The following PTPRD variants were observed in gnomAD, a reference collection of about 807,000 sequenced individuals.
PTPRD encodes protein tyrosine phosphatase receptor type D.
Under a neutral mutation model 214.5 loss-of-function variants are expected in PTPRD, and 34 were observed. That is an observed-to-expected ratio of 0.16 (90% confidence interval 0.12 to 0.21). The LOEUF (loss-of-function observed/expected upper bound fraction) is 0.21. Among genes scored for constraint, PTPRD ranks in the 10% least tolerant of loss-of-function variants. PTPRD has a pLI of 1.00. For missense variants in PTPRD, 2,545 were observed against 2,398.7 expected (o/e 1.06, Z -1.27); for synonymous variants, 1,128 against 845.7 (o/e 1.33, Z -5.79).
At chr9:9,251,809 G>A (rs761990844) in intron 9 of PTPRD, among the ~76,000 whole-genome samples, 1 of 152,038 alleles carries the variant, frequency 6.6e-6, no homozygotes, top group Non-Finnish European at 1.5e-5. Context: ...AACTGCTCTA[G>A]AATTATTGTT....
intron 11 of PTPRD, among the ~76,000 whole-genome samples, chr9:8,788,364 C>T (rs574476912): frequency 1.2e-3 from 181 of 150,942 alleles, no homozygotes; most frequent in East Asian, 7.5e-3. Flanking sequence ...CAACCTCCGC[C>T]TCTCAGGTTC....
chr9:10,550,135 G>A (rs763344793), intron 2 of PTPRD, among the ~76,000 whole-genome samples: 1 of 152,154 alleles, frequency 6.6e-6, no homozygotes, highest in Non-Finnish European at 1.5e-5. Context: ...ATGCAAAGCT[G>A]CTCCTGACAA....
chr9:8,738,419 T>C (rs183787684), intron 11 of PTPRD, among the ~76,000 whole-genome samples: 2 of 152,278 alleles, frequency 1.3e-5, no homozygotes, highest in Admixed American at 1.3e-4. Flanking sequence ...TAAAATTTTC[T>C]TTAAAAAAAG....
At chr9:8,575,306 G>A (rs1355180010) in intron 14 of PTPRD, among the ~76,000 whole-genome samples, 1 of 152,062 alleles carries the variant, frequency 6.6e-6, no homozygotes, top group Non-Finnish European at 1.5e-5. Flanking sequence ...TGAGTATCCA[G>A]TACCAACACA....
At chr9:10,514,342 G>T (rs2049279641) in intron 2 of PTPRD, among the ~76,000 whole-genome samples, 1 of 151,076 alleles carries the variant, frequency 6.6e-6, no homozygotes, top group Non-Finnish European at 1.5e-5. Context: ...ATTACATTTA[G>T]AACTTTGATT....
chr9:10,324,020 C>G (rs2096600931), intron 3 of PTPRD, among the ~76,000 whole-genome samples: 1 of 151,992 alleles, frequency 6.6e-6, no homozygotes, highest in South Asian at 2.1e-4. Flanking sequence ...ATTAAGTTAG[C>G]AGAACCTGGA....
At chr9:8,757,304 A>G (rs1051043970) in intron 11 of PTPRD, among the ~76,000 whole-genome samples, 3 of 152,310 alleles carry the variant, frequency 2.0e-5, no homozygotes, top group African/African-American at 4.8e-5. Context: ...GAAAAGCACG[A>G]TAATATGTGT....
chr9:8,968,283 C>T (rs1390894590), intron 11 of PTPRD, among the ~76,000 whole-genome samples: 1 of 152,068 alleles, frequency 6.6e-6, no homozygotes, highest in Admixed American at 6.6e-5. Context: ...AATGGGATGG[C>T]TGGGTCAAAT....
At position 9,194,050 on chromosome 9, in the gene PTPRD, T is replaced by C. The variant is rs188579051; in HGVS notation, c.-202-10687A>G. On this transcript the variant is annotated intron_variant, in intron 9 of 45. Coordinates refer to ENST00000381196, the MANE Select transcript of PTPRD (RefSeq NM_002839.4). ...ACGAGCTTTTCTGTATTAAAAATAA[T>C]CTTTATACTTTAAAAATATTTTTTG... 1.5e-3 allele frequency among the ~76,000 whole-genome samples: 232 copies of C among 152,262 alleles called. 1 individual carries two copies. In the Middle Eastern group the frequency reaches 0.017, roughly 11 times the overall value.
intron 5 of PTPRD, among the ~76,000 whole-genome samples, chr9:9,872,211 G>T (rs1341238144): frequency 1.3e-5 from 2 of 152,178 alleles, no homozygotes; most frequent in African/African-American, 4.8e-5. Context: ...GATTAAAAGT[G>T]TAGGCTCTGA....
intron 11 of PTPRD, among the ~76,000 whole-genome samples, chr9:8,907,044 C>G (rs1345853949): frequency 6.6e-6 from 1 of 151,980 alleles, no homozygotes; most frequent in Admixed American, 6.6e-5. Flanking sequence ...GTTTCTCAAC[C>G]CACATATGTA....
At chr9:8,764,106 A>G (rs2094564195) in intron 11 of PTPRD, among the ~76,000 whole-genome samples, 1 of 152,184 alleles carries the variant, frequency 6.6e-6, no homozygotes, top group Non-Finnish European at 1.5e-5. Flanking sequence ...TAAATTAAGG[A>G]CACTCTCACT....
At chr9:8,348,144 T>G (rs1169444971) in intron 39 of PTPRD, among the ~76,000 whole-genome samples, 1 of 152,210 alleles carries the variant, frequency 6.6e-6, no homozygotes, top group Non-Finnish European at 1.5e-5. Flanking sequence ...ATGTTCCACA[T>G]AGTTATTTTC....
intron 12 of PTPRD, among the ~76,000 whole-genome samples, chr9:8,640,531 T>C (rs1404876938): frequency 6.7e-6 from 1 of 148,866 alleles, no homozygotes; most frequent in Admixed American, 6.7e-5. Flanking sequence ...TACCACTGTA[T>C]TGATGTGATA....
intron 9 of PTPRD, among the ~76,000 whole-genome samples, chr9:9,331,629 T>C (rs1330125614): frequency 6.6e-6 from 1 of 152,076 alleles, no homozygotes; most frequent in African/African-American, 2.4e-5. Context: ...AATACCGTCT[T>C]GCTAAGATTC....
chr9:9,784,179 T>C (rs2098895746), intron 5 of PTPRD, among the ~76,000 whole-genome samples: 1 of 152,128 alleles, frequency 6.6e-6, no homozygotes, highest in Non-Finnish European at 1.5e-5. Context: ...CTTTGACATA[T>C]AATGCATAGT....
chr9:8,576,444 T>C (rs1439409934), intron 14 of PTPRD, among the ~76,000 whole-genome samples: 1 of 152,148 alleles, frequency 6.6e-6, no homozygotes, highest in Non-Finnish European at 1.5e-5. Context: ...ACTTTATGTC[T>C]TTTCCAATGT....
intron 8 of PTPRD, among the ~76,000 whole-genome samples, chr9:9,548,750 G>A (rs926142645): frequency 8.6e-5 from 13 of 152,036 alleles, no homozygotes; most frequent in South Asian, 4.2e-4. Flanking sequence ...TTAAGATAAC[G>A]AATATTACCA....
chr9:10,143,304 A>AAAATAAAAT (rs537097421), intron 3 of PTPRD, among the ~76,000 whole-genome samples: 18 of 141,328 alleles, frequency 1.3e-4, no homozygotes, highest in South Asian at 6.5e-4. Context: ...TAAAATAAAA[A>AAAATAAAAT]AATAAATGCT....
Sources: allele counts gnomAD v4.1 joint callset (sites outside exome capture counted in the v4.1 genomes callset), GRCh38; gene constraint gnomAD v4.1.1; transcripts MANE v1.5; gene names NCBI Gene and HGNC (gene_info 2026-07-23, HGNC 2026-07-21).